The following GALNT13 variants were observed in gnomAD, a reference collection of about 807,000 sequenced individuals.
The protein encoded by GALNT13 is polypeptide N-acetylgalactosaminyltransferase 13, also known as UDP-GalNAc:polypeptide N-acetylgalactosaminyltransferase 13.
In GALNT13, 28 loss-of-function variants were observed where a neutral mutation model predicts 64.2. That is an observed-to-expected ratio of 0.44 (90% CI 0.32 to 0.60). The LOEUF is 0.60. Ranked by LOEUF, GALNT13 falls within the 20% of genes least tolerant of loss-of-function variation. GALNT13 has a pLI of 0.05. For synonymous variants in GALNT13, 214 were observed against 224.6 expected (o/e 0.95, Z 0.42); for missense variants, 577 against 669.8 (o/e 0.86, Z 1.53).
the GALNT13 span, among the ~76,000 whole-genome samples, chr2:153,174,256 A>C: frequency 6.6e-6 from 1 of 152,194 alleles, no homozygotes; most frequent in Non-Finnish European, 1.5e-5. Flanking sequence ...ACATATTTGC[A>C]TCCAAATAGT....
chr2:153,468,424 T>C, the GALNT13 span, among the ~76,000 whole-genome samples: 1 of 152,078 alleles, frequency 6.6e-6, no homozygotes, highest in Non-Finnish European at 1.5e-5. Context: ...TTAGTCTCTA[T>C]ACACCACTAC....
the GALNT13 span, among the ~76,000 whole-genome samples, chr2:153,419,416 A>G: frequency 6.6e-6 from 1 of 152,206 alleles, no homozygotes; most frequent in African/African-American, 2.4e-5. Context: ...AAGGATTTAT[A>G]CTGACTGAAA....
chr2:154,419,900 A>G (rs757245588), intron 11 of GALNT13, among the ~76,000 whole-genome samples: 16 of 152,154 alleles, frequency 1.1e-4, no homozygotes, highest in Non-Finnish European at 1.9e-4. Context: ...CTGTTGATTA[A>G]TTGGTTAAAG....
chr2:153,643,813 G>A, the GALNT13 span, among the ~76,000 whole-genome samples: 1 of 151,950 alleles, frequency 6.6e-6, no homozygotes, highest in Non-Finnish European at 1.5e-5. Context: ...ATCATTTAAT[G>A]TAATTTATTG....
the GALNT13 span, among the ~76,000 whole-genome samples, chr2:153,736,362 A>G: frequency 1.3e-5 from 2 of 152,102 alleles, no homozygotes; most frequent in African/African-American, 4.8e-5. Flanking sequence ...TGCTGCTTCA[A>G]TCTTTAAGAT....
chr2:153,774,316 C>G, the GALNT13 span, among the ~76,000 whole-genome samples: 2 of 152,024 alleles, frequency 1.3e-5, no homozygotes, highest in Admixed American at 6.5e-5. Context: ...TTTTCTCTCT[C>G]TCTCCCTTTT....
At position 154,042,242 on chromosome 2, in the gene GALNT13, C is replaced by T. The variant is rs888774922; in HGVS notation, c.142+97603C>T. 8.6e-5 allele frequency among the ~76,000 whole-genome samples: 12 copies of T among 139,584 alleles called. 1 individual carries two copies. The East Asian group carries it at 1.4e-3, about 16-fold the overall frequency. 91.6% of individuals were successfully genotyped at this position (139,584 alleles called of 152,430 possible). On this transcript the variant is annotated intron_variant, in intron 3 of 12. Coordinates refer to ENST00000392825, the MANE Select transcript of GALNT13 (RefSeq NM_052917.4). ...TGAGTCTGTTACCTTGAGCATAAAA[C>T]GGAAACGATGACATTACCCCAGTAA...
chr2:153,257,916 C>T, the GALNT13 span, among the ~76,000 whole-genome samples: 1 of 152,058 alleles, frequency 6.6e-6, no homozygotes, highest in African/African-American at 2.4e-5. Flanking sequence ...AATAAAAGAC[C>T]CTTGGGAAAA....
chr2:154,037,257 A>C (rs1698713006), intron 3 of GALNT13, among the ~76,000 whole-genome samples: 1 of 152,170 alleles, frequency 6.6e-6, no homozygotes, highest in African/African-American at 2.4e-5. Context: ...CACTTCTTAA[A>C]TATATTGCCT....
the GALNT13 span, among the ~76,000 whole-genome samples, chr2:153,611,860 C>T: frequency 6.6e-6 from 1 of 151,494 alleles, no homozygotes; most frequent in African/African-American, 2.4e-5. Flanking sequence ...TCCCCTTGTC[C>T]CCCACCCCCC....
the GALNT13 span, chr2:153,421,134 T>G: frequency 1.9e-4 from 49 of 255,314 alleles, no homozygotes; most frequent in Middle Eastern, 1.7e-3. Flanking sequence ...TGGCTCAAAG[T>G]GAGCACTGGT....
chr2:153,677,431 T>C, the GALNT13 span, among the ~76,000 whole-genome samples: 1 of 151,742 alleles, frequency 6.6e-6, no homozygotes, highest in Admixed American at 6.6e-5. Flanking sequence ...GGAAAAACAT[T>C]ACATATTCAT....
the GALNT13 span, among the ~76,000 whole-genome samples, chr2:153,381,644 G>T: frequency 8.5e-5 from 13 of 152,050 alleles, no homozygotes; most frequent in African/African-American, 3.1e-4. Flanking sequence ...GATGAGATCA[G>T]TAAGGTCAGA....
intron 3 of GALNT13, among the ~76,000 whole-genome samples, chr2:153,983,114 G>A (rs190679421): frequency 1.3e-5 from 2 of 151,978 alleles, no homozygotes; most frequent in African/African-American, 4.8e-5. Context: ...AACTAATTCT[G>A]TCTTGCATAG....
At chr2:154,181,847 C>A (rs906256195) in intron 4 of GALNT13, among the ~76,000 whole-genome samples, 2 of 151,848 alleles carry the variant, frequency 1.3e-5, no homozygotes, top group African/African-American at 4.8e-5. Flanking sequence ...GCTAATATTA[C>A]AAATGTCAAA....
chr2:153,797,662 C>A, the GALNT13 span, among the ~76,000 whole-genome samples: 1 of 152,134 alleles, frequency 6.6e-6, no homozygotes, highest in Admixed American at 6.6e-5. Flanking sequence ...GAATTAGAAA[C>A]CTCCCCTTGT....
At chr2:153,723,269 ACT>A in the GALNT13 span, among the ~76,000 whole-genome samples, 1 of 148,660 alleles carries the variant, frequency 6.7e-6, no homozygotes, top group Non-Finnish European at 1.5e-5. Context: ...CATGCTAAAA[ACT>A]CTCAATAAAT....
chr2:153,265,730 G>C, the GALNT13 span, among the ~76,000 whole-genome samples: 1 of 152,172 alleles, frequency 6.6e-6, no homozygotes, highest in Non-Finnish European at 1.5e-5. Flanking sequence ...ATTATTACTA[G>C]AGGCTTCTAT....
At chr2:154,192,712 ATTAT>A in intron 4 of GALNT13, among the ~76,000 whole-genome samples, 1 of 152,298 alleles carries the variant, frequency 6.6e-6, no homozygotes, top group South Asian at 2.1e-4. Context: ...TTTTAGAAAT[ATTAT>A]TTAAGTTATT....
Sources: gnomAD v4.1 joint callset for allele counts (sites outside exome capture counted in the v4.1 genomes callset) on GRCh38, gnomAD v4.1.1 for gene constraint, MANE v1.5 for transcripts, NCBI Gene and HGNC (gene_info 2026-07-23, HGNC 2026-07-21) for gene names.